Variants in GFM1 observed in about 807,000 individuals in gnomAD.
GFM1 encodes the protein G elongation factor mitochondrial 1.
A neutral mutation model predicts 96.2 loss-of-function variants in GFM1; 62 were observed. The observed-to-expected ratio is 0.64, with a 90% CI of 0.53 to 0.80. The LOEUF (loss-of-function observed/expected upper bound fraction) is 0.80. GFM1 is among the 30% of genes least tolerant of loss of function. GFM1 has a pLI of 0.00. For missense variants in GFM1, 852 were observed against 916.6 expected, an observed-to-expected ratio of 0.93 and a Z score of 0.91; for synonymous variants, 282 against 312.9, an observed-to-expected ratio of 0.90 and a Z score of 1.04.
At position 158,661,925 on chromosome 3, in the gene GFM1, A is replaced by T. The variant is rs574086375; in HGVS notation, c.1324-703A>T. 5.3e-5 allele frequency among the ~76,000 whole-genome samples: 8 copies of T among 152,338 alleles called. No individual in the cohort carries two copies. In the South Asian group the frequency reaches 1.7e-3, roughly 32 times the overall value. On this transcript the variant is annotated intron_variant, in intron 10 of 17. Coordinates refer to ENST00000486715, the MANE Select transcript of GFM1 (RefSeq NM_024996.7). The stretch of plus-strand genomic sequence containing the variant: ...CACTACAAAAAAAACATAAATCTAT[A>T]CAATTTTTGTTTGAGATCTAGATAA...
intron 13 of GFM1, among the ~76,000 whole-genome samples, chr3:158,675,006 C>T (rs998360940): frequency 1.3e-4 from 20 of 151,960 alleles, no homozygotes; most frequent in African/African-American, 3.9e-4. Flanking sequence ...AGCAAGTTTA[C>T]GGCCGGGAGC....
At chr3:158,665,511 T>G (rs1560135509) in intron 12 of GFM1, 37 bp downstream of exon 12, 2 of 1,551,276 alleles carry the variant, frequency 1.3e-6, no homozygotes. Flanking sequence ...GAAATCAATT[T>G]ATTACTGTCT....
At chr3:158,684,754 T>A in intron 15 of GFM1, 86 bp downstream of exon 15, 1 of 1,405,692 alleles carries the variant, frequency 7.1e-7, no homozygotes, top group Non-Finnish European at 1.0e-6. Context: ...TCAGTCTTCT[T>A]CACCCAGAGC....
chr3:158,693,647 G>T lies in GFM1; in HGVS notation c.*2180G>T, dbSNP rs548908503. 87 of 152,212 alleles carry T rather than the reference G, an allele frequency of 5.7e-4. No homozygotes were observed. Among genetic ancestry groups the T allele is most frequent in the African/African-American group, 2.0e-3 (82 of 41,532 alleles). The allele number at this position is 152,212 out of a possible 1,614,324, so 9.4% of individuals were successfully genotyped here. ...ATTAATGAGAATATTCATAGGTGAGGGTTGTTTATACTACTATCAAGAAGG... is the reference window on the plus strand; with the variant it reads ...ATTAATGAGAATATTCATAGGTGAGTGTTGTTTATACTACTATCAAGAAGG... On this transcript the variant is annotated 3_prime_UTR_variant, in exon 18 of 18. Coordinates refer to ENST00000486715, the MANE Select transcript of GFM1 (RefSeq NM_024996.7).
At chr3:158,658,157 C>CTTT (rs397842738) in intron 8 of GFM1, among the ~76,000 whole-genome samples, 7,302 of 97,144 alleles carry the variant, frequency 0.075, 1,397 homozygotes, top group African/African-American at 0.31. Context: ...TCACAGAACT[C>CTTT]TTTTTTTTTT....
Position 158,691,547 on chromosome 3 carries a change from C to T in GFM1, c.*80C>T. ...TTGATGGATTCCAGTGGAATAAATT[C>T]AGGCTGCTGAAACAAGAAATTCTGA... On this transcript the variant is annotated 3_prime_UTR_variant, in exon 18 of 18. Transcript: ENST00000486715. The T allele has an allele frequency of 2.0e-6, 3 of 1,517,728 alleles. No individual in the cohort carries two copies. In the South Asian group the frequency reaches 3.4e-5, roughly 17 times the overall value. The allele number at this position is 1,517,728 out of a possible 1,614,324, so 94.0% of individuals were successfully genotyped here.
rs67517331 is a variant in GFM1 at position 158,686,721 on chromosome 3, G to GTTTTTTT, written c.1909+2070_1909+2076dup. Among the ~76,000 whole-genome samples the GTTTTTTT allele has an allele frequency of 1.1e-3, 98 of 85,744 alleles. 6 individuals carry two copies. Among genetic ancestry groups the GTTTTTTT allele is most frequent in the Middle Eastern group, 0.014 (1 of 72 alleles). The allele number at this position is 85,744 out of a possible 152,430, so 56.3% of individuals were successfully genotyped here. A position where few individuals can be genotyped will look rare whatever the true frequency, so the allele number is the denominator to read the frequency against. On this transcript the variant is annotated intron_variant, in intron 15 of 17. Coordinates refer to ENST00000486715, the MANE Select transcript of GFM1 (RefSeq NM_024996.7). The stretch of plus-strand genomic sequence containing the variant: ...AACACTAGATTATAATTGAATTGAG[G>GTTTTTTT]TTTTTTTTTTTTTTTTTTTTTTTGA...
At chr3:158,664,745 A>C (rs1723490111) in intron 11 of GFM1, among the ~76,000 whole-genome samples, 2 of 152,126 alleles carry the variant, frequency 1.3e-5, no homozygotes. Flanking sequence ...CCCCTTTACT[A>C]TGTAAGGCAG....
rs1721571462 is a variant in GFM1, at chr3:158,644,537, CAT to C, written c.-97_-96del. The C allele has an allele frequency of 1.1e-6, 1 of 945,608 alleles. No homozygotes were observed. The highest frequency in any genetic ancestry group is 1.6e-5 in the African/African-American group (1 of 60,722). The allele number at this position is 945,608 out of a possible 1,614,324, so 58.6% of individuals were successfully genotyped here. ...CTTTGCCCCGGAAGTGCTCTTACAA[CAT>C]TGGCTGCCGGCGTGACTTTGACCGC... is the stretch of plus-strand genomic sequence containing the variant. On this transcript the variant is annotated 5_prime_UTR_variant, in exon 1 of 18. Coordinates refer to ENST00000486715, the MANE Select transcript of GFM1 (RefSeq NM_024996.7).
rs1722463582 is a variant in GFM1, at chr3:158,653,421, C to T, written c.952C>T (p.Pro318Ser). ...PLLDAVLEYL[P>S]NPSEVQNYAI... is the part of the protein sequence containing the mutation. ...TTTAGATGCTGTTTTAGAATACCTCCCAAATCCATCTGAAGTCCAGAACTA... is the reference window on the plus strand; with the variant it reads ...TTTAGATGCTGTTTTAGAATACCTCTCAAATCCATCTGAAGTCCAGAACTA... The change falls in exon 7 of 18, where the codon CCA (proline) becomes TCA (serine). Residue 318 changes from proline (P) to serine (S), a missense_variant. Coordinates refer to ENST00000486715, the MANE Select transcript of GFM1 (RefSeq NM_024996.7). 2 of 1,613,318 alleles carry T rather than the reference C, an allele frequency of 1.2e-6. No homozygotes were observed. The highest frequency in any genetic ancestry group is 1.7e-6 in the Non-Finnish European group (2 of 1,179,372).
At position 158,691,697 on chromosome 3, in the gene GFM1, G is replaced by A; in HGVS notation, c.*230G>A. 2.6e-6 allele frequency: 1 copy of A among 387,196 alleles called. No individual in the cohort carries two copies. The highest frequency in any genetic ancestry group is 4.7e-6 in the Non-Finnish European group (1 of 212,146). The allele number at this position is 387,196 out of a possible 1,614,324, so 24.0% of individuals were successfully genotyped here. A position where few individuals can be genotyped will look rare whatever the true frequency, so the allele number is the denominator to read the frequency against. Reference sequence around the variant, plus strand: ...CTATTGATTGGTTTTATAGTTCATTGAAAATCCTCAAATAAAATATAATTA... The same window carrying A: ...CTATTGATTGGTTTTATAGTTCATTAAAAATCCTCAAATAAAATATAATTA... On this transcript the variant is annotated 3_prime_UTR_variant, in exon 18 of 18. Coordinates refer to ENST00000486715, the MANE Select transcript of GFM1 (RefSeq NM_024996.7).
At position 158,695,219 on chromosome 3, in the gene GFM1, C is replaced by T. The variant is rs1016920067; in HGVS notation, c.*3752C>T. 3.3e-5 allele frequency: 5 copies of T among 151,844 alleles called. No individual in the cohort carries two copies. The highest frequency in any genetic ancestry group is 9.7e-5 in the African/African-American group (4 of 41,344). 9.4% of individuals were successfully genotyped at this position (151,844 alleles called of 1,614,324 possible). Reference sequence around the variant, plus strand: ...TGAAACCCCGTCTCTACTATAAATACAAAAATCGTCCGGGCGGGGTGGCTC... The same window carrying T: ...TGAAACCCCGTCTCTACTATAAATATAAAAATCGTCCGGGCGGGGTGGCTC... On this transcript the variant is annotated 3_prime_UTR_variant, in exon 18 of 18. Coordinates refer to ENST00000486715, the MANE Select transcript of GFM1 (RefSeq NM_024996.7).
intron 1 of GFM1, 38 bp from the exon 2 acceptor site, chr3:158,645,591 A>G (rs2107999795): frequency 6.4e-7 from 1 of 1,556,832 alleles, no homozygotes; most frequent in Non-Finnish European, 8.9e-7. Context: ...TCTCTCTTAT[A>G]AAAGGTGCAT....
At chr3:158,684,436 C>T in intron 14 of GFM1, 88 bp from the exon 15 acceptor site, 1 of 1,366,938 alleles carries the variant, frequency 7.3e-7, no homozygotes, top group Non-Finnish European at 1.0e-6. Flanking sequence ...AAAACGTACA[C>T]TTCTGAACAC....
rs766234016 is a variant in GFM1 at position 158,645,647 on chromosome 3, C to T, written c.100C>T (p.Arg34Ter). Reference protein sequence around the residue: ...QRKQVNWKACRWSSSGVIPNE... With the variant: ...QRKQVNWKAC Reference sequence around the variant, plus strand: ...TTTTCAGGTTAATTGGAAGGCCTGCCGATGGTCTTCATCAGGGGTGATTCC... The same window carrying T: ...TTTTCAGGTTAATTGGAAGGCCTGCTGATGGTCTTCATCAGGGGTGATTCC... Residue 34 changes from arginine to a stop codon, truncating the protein, a stop_gained, in exon 2 of 18, where the codon CGA (arginine) becomes TGA (stop). Transcript: ENST00000486715. LOFTEE classifies it high-confidence loss of function. 7.4e-6 allele frequency: 12 copies of T among 1,612,496 alleles called. No individual in the cohort carries two copies. Among genetic ancestry groups the T allele is most frequent in the South Asian group, 5.5e-5 (5 of 91,038 alleles).
intron 9 of GFM1, chr3:158,660,594 C>T: frequency 2.4e-6 from 1 of 415,370 alleles, no homozygotes; most frequent in Non-Finnish European, 4.4e-6. Context: ...AACCTTGAGG[C>T]ACTGTGTTGT....
At chr3:158,688,399 A>G (rs1726043140) in intron 15 of GFM1, among the ~76,000 whole-genome samples, 1 of 152,162 alleles carries the variant, frequency 6.6e-6, no homozygotes, top group Admixed American at 6.6e-5. Context: ...CAAGGAAGAG[A>G]GCAGGGTAAG....
chr3:158,652,185 C>T lies in GFM1; in HGVS notation c.779C>T (p.Ser260Leu). The change falls in exon 6 of 18, where the codon TCA (serine) becomes TTA (leucine). Residue 260 changes from serine to leucine, a missense_variant. By Grantham distance (145) the Ser-to-Leu change is moderately radical (BLOSUM62 -2). Transcript: ENST00000486715. ...GAGCTAATTGAATGTGTTGCCAATTCAGATGAACAGCTTGGTGAGATGTTT... is the reference window on the plus strand; with the variant it reads ...GAGCTAATTGAATGTGTTGCCAATTTAGATGAACAGCTTGGTGAGATGTTT... ...RQELIECVANSDEQLGEMFLE... is the reference protein window; with the variant it reads ...RQELIECVANLDEQLGEMFLE... 6.2e-7 allele frequency: 1 copy of T among 1,614,058 alleles called. No homozygotes were observed. The highest frequency in any genetic ancestry group is 8.5e-7 in the Non-Finnish European group (1 of 1,179,930).
At position 158,654,580 on chromosome 3, in the gene GFM1, C is replaced by T. The variant is rs373952002; in HGVS notation, c.1032C>T (p.Asn344=). 5.5e-4 allele frequency: 888 copies of T among 1,612,738 alleles called. 5 individuals carry two copies. The highest frequency in any genetic ancestry group is 5.3e-3 in the Middle Eastern group (32 of 6,052). Residue 344 remains asparagine, a synonymous_variant, in exon 8 of 18, where the codon AAC becomes AAT. Coordinates refer to ENST00000486715, the MANE Select transcript of GFM1 (RefSeq NM_024996.7). ...DSKEKTKILM[N]SSRDNSHPFV... ...AAGAGAAAACCAAAATCCTAATGAACTCCAGTAGAGACAATTCCCACCCAT... is the reference window on the plus strand; with the variant it reads ...AAGAGAAAACCAAAATCCTAATGAATTCCAGTAGAGACAATTCCCACCCAT...
Sources: allele counts gnomAD v4.1 joint callset (sites outside exome capture counted in the v4.1 genomes callset), GRCh38; gene constraint gnomAD v4.1.1; transcripts MANE v1.5; gene names NCBI Gene and HGNC (gene_info 2026-07-23, HGNC 2026-07-21).